ELF2: variants seen among roughly 807,000 people sequenced by gnomAD.
The protein encoded by ELF2 is E74 like ETS transcription factor 2, also known as ETS-related transcription factor Elf-2.
A neutral mutation model predicts 54.8 loss-of-function variants in ELF2; 11 were observed. That is an observed-to-expected ratio of 0.20 (90% CI 0.13 to 0.33). The LOEUF (loss-of-function observed/expected upper bound fraction) is 0.33. Ranked by LOEUF, ELF2 falls within the 10% of genes least tolerant of loss-of-function variation. The pLI is 1.00. For missense variants in ELF2, 513 were observed against 703.0 expected, an observed-to-expected ratio of 0.73 and a Z score of 3.06; for synonymous variants, 203 against 245.1, an observed-to-expected ratio of 0.83 and a Z score of 1.61.
intron 4 of ELF2, among the ~76,000 whole-genome samples, chr4:139,111,848 G>A (rs919292945): frequency 2.7e-4 from 41 of 152,160 alleles, no homozygotes; most frequent in African/African-American, 9.9e-4. Flanking sequence ...AATCTGGAGA[G>A]GTAGACAACT....
intron 1 of ELF2, among the ~76,000 whole-genome samples, chr4:139,142,743 T>C (rs1738829061): frequency 6.6e-6 from 1 of 151,856 alleles, no homozygotes; most frequent in Admixed American, 6.6e-5. Context: ...AAAGTGATCA[T>C]AGCCAAGCAT....
chr4:139,175,069 T>C (rs1742769280), intron 1 of ELF2, among the ~76,000 whole-genome samples: 2 of 152,152 alleles, frequency 1.3e-5, no homozygotes, highest in Non-Finnish European at 2.9e-5. Context: ...TTTTAAAAAA[T>C]TAATAAACCC....
chr4:139,118,161 A>G (rs1349032910), intron 4 of ELF2, among the ~76,000 whole-genome samples: 1 of 152,202 alleles, frequency 6.6e-6, no homozygotes, highest in East Asian at 1.9e-4. Context: ...AGAAAAAAGT[A>G]TGGTCTCCGT....
chr4:139,103,379 T>G (rs1283292066), intron 4 of ELF2, among the ~76,000 whole-genome samples: 1 of 152,168 alleles, frequency 6.6e-6, no homozygotes, highest in Non-Finnish European at 1.5e-5. Context: ...GGGTTGGGAC[T>G]TTCAGCCCCA....
intron 1 of ELF2, among the ~76,000 whole-genome samples, chr4:139,171,602 A>G (rs1742313186): frequency 7.8e-6 from 1 of 127,820 alleles, no homozygotes; most frequent in East Asian, 2.1e-4. Context: ...GTACACAGAG[A>G]AAAAAACAAA....
chr4:139,129,447 T>C (rs1365751690), intron 3 of ELF2, among the ~76,000 whole-genome samples: 2 of 152,216 alleles, frequency 1.3e-5, no homozygotes, highest in Admixed American at 1.3e-4. Flanking sequence ...ACTCATCTTC[T>C]GAATTCCAAA....
At chr4:139,097,632 A>AT (rs1385813484) in intron 4 of ELF2, among the ~76,000 whole-genome samples, 2 of 151,464 alleles carry the variant, frequency 1.3e-5, no homozygotes, top group African/African-American at 4.8e-5. Context: ...AAAAAAAAAA[A>AT]GTAAAGAAAA....
chr4:139,159,126 GAA>G (rs1234348222), intron 1 of ELF2, among the ~76,000 whole-genome samples: 1 of 152,178 alleles, frequency 6.6e-6, no homozygotes, highest in East Asian at 1.9e-4. Flanking sequence ...TCCATCCAGT[GAA>G]AGTGTCCACC....
chr4:139,093,110 C>A (rs1221204374), intron 4 of ELF2, among the ~76,000 whole-genome samples: 3 of 151,524 alleles, frequency 2.0e-5, no homozygotes, highest in Non-Finnish European at 2.9e-5. Context: ...GGACTACAGG[C>A]GCCTGCCACC....
At chr4:139,148,100 TAA>T (rs146479159) in intron 1 of ELF2, among the ~76,000 whole-genome samples, 2 of 142,872 alleles carry the variant, frequency 1.4e-5, no homozygotes, top group Non-Finnish European at 1.5e-5. Context: ...CCCTGTACCT[TAA>T]AAAAAAAAAA....
At chr4:139,103,535 T>C (rs1459259228) in intron 4 of ELF2, among the ~76,000 whole-genome samples, 1 of 152,258 alleles carries the variant, frequency 6.6e-6, no homozygotes, top group Non-Finnish European at 1.5e-5. Flanking sequence ...TAGCTGAACA[T>C]GTGGAGGTTC....
At chr4:139,144,319 G>T (rs1739007145) in intron 1 of ELF2, among the ~76,000 whole-genome samples, 1 of 152,148 alleles carries the variant, frequency 6.6e-6, no homozygotes, top group African/African-American at 2.4e-5. Flanking sequence ...AGCACCAGGG[G>T]CGGGAAGAGC....
At chr4:139,086,058 A>T (rs1456834165) in intron 4 of ELF2, among the ~76,000 whole-genome samples, 1 of 151,924 alleles carries the variant, frequency 6.6e-6, no homozygotes. Flanking sequence ...TAGAAGTTAT[A>T]AAAAAAGTTA....
intron 3 of ELF2, among the ~76,000 whole-genome samples, chr4:139,130,828 T>C (rs1352382442): frequency 6.6e-6 from 1 of 152,156 alleles, no homozygotes; most frequent in Non-Finnish European, 1.5e-5. Context: ...TATTAACAGG[T>C]ATTTATAAGT....
chr4:139,145,139 T>C (rs928845986), intron 1 of ELF2, among the ~76,000 whole-genome samples: 9 of 152,260 alleles, frequency 5.9e-5, no homozygotes, highest in Non-Finnish European at 1.2e-4. Flanking sequence ...AGAAAACTTA[T>C]GCATGACCCA....
chr4:139,171,785 A>G (rs888279826), intron 1 of ELF2, among the ~76,000 whole-genome samples: 2 of 152,070 alleles, frequency 1.3e-5, no homozygotes, highest in African/African-American at 4.8e-5. Flanking sequence ...TCAGCTGGGC[A>G]TAGTTGTGCT....
At chr4:139,149,590 G>A (rs1028647934) in intron 1 of ELF2, among the ~76,000 whole-genome samples, 4 of 152,002 alleles carry the variant, frequency 2.6e-5, no homozygotes, top group Non-Finnish European at 5.9e-5. Flanking sequence ...CTCCAGCCTG[G>A]GCGACAGAGC....
At chr4:139,170,305 C>T (rs1742162229) in intron 1 of ELF2, among the ~76,000 whole-genome samples, 1 of 140,714 alleles carries the variant, frequency 7.1e-6, no homozygotes, top group Admixed American at 7.9e-5. Context: ...CGCTCTGTTG[C>T]CCAGGCTGGA....
chr4:139,122,574 T>A (rs1736491630), intron 4 of ELF2, among the ~76,000 whole-genome samples: 1 of 152,094 alleles, frequency 6.6e-6, no homozygotes. Flanking sequence ...CTATCTTGGT[T>A]CACCACAACC....
Sources: gnomAD v4.1 joint callset for allele counts (sites outside exome capture counted in the v4.1 genomes callset) on GRCh38, gnomAD v4.1.1 for gene constraint, MANE v1.5 for transcripts, NCBI Gene and HGNC (gene_info 2026-07-23, HGNC 2026-07-21) for gene names.